ST18: variants seen among roughly 807,000 people sequenced by gnomAD.
ST18 encodes ST18 C2H2C-type zinc finger transcription factor, also known as suppression of tumorigenicity 18 protein.
ST18 carries 50 observed loss-of-function variants against 110.0 expected under a neutral mutation model. The ratio of observed to expected loss-of-function variants is 0.45; its 90% CI spans 0.36 to 0.58. The LOEUF (loss-of-function observed/expected upper bound fraction) is 0.58, where lower values mean the gene tolerates loss of function less well. Ranked by LOEUF, ST18 falls within the 20% of genes least tolerant of loss-of-function variation. ST18 has a pLI of 0.00. For missense variants in ST18, 1,306 were observed against 1,280.1 expected, an observed-to-expected ratio of 1.02 and a Z score of -0.31; for synonymous variants, 461 against 452.4, an observed-to-expected ratio of 1.02 and a Z score of -0.24.
intron 9 of ST18, among the ~76,000 whole-genome samples, chr8:52,178,645 C>CAAAAAAAAAAAAAAAAAAAAAAAA (rs1563897561): frequency 6.6e-5 from 2 of 30,110 alleles, no homozygotes; most frequent in African/African-American, 1.7e-4. Context: ...AAAAAAAAAC[C>CAAAAAAAAAAAAAAAAAAAAAAAA]ACCAAAAACC....
chr8:52,151,107 T>A (rs1193696771), intron 15 of ST18: 1 of 152,144 alleles, frequency 6.6e-6, no homozygotes, highest in Non-Finnish European at 1.5e-5. Flanking sequence ...TGGCCACTCT[T>A]CTTTGAATAT....
At chr8:52,396,205 T>C (rs35737151) in intron 2 of ST18, among the ~76,000 whole-genome samples, 89,419 of 152,090 alleles carry the variant, frequency 0.59, 29,794 homozygotes, top group Non-Finnish European at 0.73. Context: ...TTATTTACTA[T>C]AGTCTTCATG....
intron 2 of ST18, among the ~76,000 whole-genome samples, chr8:52,394,821 T>C (rs957425381): frequency 2.6e-5 from 4 of 152,196 alleles, no homozygotes; most frequent in Admixed American, 6.5e-5. Context: ...TTAGAACACT[T>C]GCTAAATGAA....
intron 9 of ST18, among the ~76,000 whole-genome samples, chr8:52,177,710 G>A (rs1031090456): frequency 6.6e-6 from 1 of 152,202 alleles, no homozygotes; most frequent in African/African-American, 2.4e-5. Context: ...GAATTACAGA[G>A]CATAGTTAGT....
chr8:52,243,852 G>A (rs895653061), intron 2 of ST18, among the ~76,000 whole-genome samples: 1 of 152,050 alleles, frequency 6.6e-6, no homozygotes, highest in Non-Finnish European at 1.5e-5. Context: ...AGGGTGATGG[G>A]GAGTGTGTGT....
rs1372947337 is a variant in ST18, at chr8:52,171,796, A to C, written c.1065T>G (p.Asn355Lys). Residue 355 changes from asparagine to lysine, a missense_variant, in exon 10 of 26, where the codon AAT becomes AAG. Physicochemically the swap from Asn to Lys is moderately conservative, Grantham distance 94 (BLOSUM62 0). Transcript: ENST00000689386. ...IDMGGRQIFNNKHSPRPEKRE... is the reference protein window; with the variant it reads ...IDMGGRQIFNKKHSPRPEKRE... ...AAATGCAAAAATGTGTCTTACGTTTATTGTTAAAGATTTGTCTTCCACCCA... is the reference window on the plus strand; with the variant it reads ...AAATGCAAAAATGTGTCTTACGTTTCTTGTTAAAGATTTGTCTTCCACCCA... 12 of 1,610,426 alleles carry C rather than the reference A, an allele frequency of 7.5e-6. No individual in the cohort carries two copies. In the Admixed American group the frequency reaches 8.4e-5, roughly 11 times the overall value.
chr8:52,140,364 T>C (rs1230103848), intron 17 of ST18, among the ~76,000 whole-genome samples: 2 of 152,100 alleles, frequency 1.3e-5, no homozygotes, highest in Admixed American at 6.6e-5. Context: ...ACCCTGTCTC[T>C]ACTAAAAATA....
At chr8:52,164,144 G>A in intron 12 of ST18, 54 bp from the exon 13 acceptor site, 1 of 1,466,876 alleles carries the variant, frequency 6.8e-7, no homozygotes, top group South Asian at 1.1e-5. Context: ...AATATGATTT[G>A]TTTTGGCATG....
At chr8:52,133,818 A>G (rs551779960) in intron 19 of ST18, among the ~76,000 whole-genome samples, 102 of 151,750 alleles carry the variant, frequency 6.7e-4, no homozygotes, top group Non-Finnish European at 1.1e-3. Flanking sequence ...GCAACCTCCA[A>G]CTCCCAGGTT....
At chr8:52,246,875 C>A (rs543332523) in intron 2 of ST18, among the ~76,000 whole-genome samples, 1 of 152,126 alleles carries the variant, frequency 6.6e-6, no homozygotes, top group Non-Finnish European at 1.5e-5. Flanking sequence ...ATCACTCTTG[C>A]CCCCATCTAA....
chr8:52,375,762 G>A (rs1352536519), intron 2 of ST18, among the ~76,000 whole-genome samples: 4 of 152,068 alleles, frequency 2.6e-5, no homozygotes, highest in Admixed American at 6.5e-5. Flanking sequence ...TGCCTATTTG[G>A]TATCTCCACT....
At chr8:52,222,396 A>C (rs1249525148) in intron 3 of ST18, among the ~76,000 whole-genome samples, 1 of 152,168 alleles carries the variant, frequency 6.6e-6, no homozygotes, top group African/African-American at 2.4e-5. Context: ...GCTTCCACTC[A>C]ACAGCCCGGC....
At chr8:52,306,248 C>A (rs1410588753) in intron 2 of ST18, among the ~76,000 whole-genome samples, 1 of 152,150 alleles carries the variant, frequency 6.6e-6, no homozygotes, top group Non-Finnish European at 1.5e-5. Flanking sequence ...GCCTCTTTAC[C>A]CTGAGCTGAG....
At chr8:52,361,800 G>T (rs1825858892) in intron 2 of ST18, among the ~76,000 whole-genome samples, 2 of 152,098 alleles carry the variant, frequency 1.3e-5, no homozygotes, top group African/African-American at 4.8e-5. Flanking sequence ...GAGAGGTAGG[G>T]TTTTATTTCT....
chr8:52,231,141 A>G (rs1460652095), intron 2 of ST18, among the ~76,000 whole-genome samples: 1 of 152,250 alleles, frequency 6.6e-6, no homozygotes, highest in Non-Finnish European at 1.5e-5. Context: ...GAAATTATAT[A>G]TATGTATGTG....
intron 8 of ST18, 131 bp downstream of exon 8, chr8:52,211,948 G>A (rs555935224): frequency 1.3e-5 from 11 of 870,454 alleles, no homozygotes; most frequent in East Asian, 4.9e-5. Context: ...CATACACAAC[G>A]TCTGGATGGA....
At chr8:52,194,053 G>T (rs1163779764) in intron 8 of ST18, among the ~76,000 whole-genome samples, 1 of 152,096 alleles carries the variant, frequency 6.6e-6, no homozygotes, top group South Asian at 2.1e-4. Flanking sequence ...TTTTTTTCCC[G>T]TAAGGCCAAA....
In ST18 at chr8:52,118,318, G is replaced by T. The variant is rs770775709; in HGVS notation, c.2859+20C>A. 1.3e-6 allele frequency: 2 copies of T among 1,496,638 alleles called. No homozygotes were observed. The highest frequency in any genetic ancestry group is 2.3e-5 in the East Asian group (1 of 44,106). The allele number at this position is 1,496,638 out of a possible 1,614,324, so 92.7% of individuals were successfully genotyped here. ...AGATTATGATTACATTAAGGATCAT[G>T]AATTACTTCTTTTTTTTACCTGGGT... On this transcript the variant is annotated intron_variant, in intron 24 of 25. Transcript: ENST00000689386.
intron 2 of ST18, among the ~76,000 whole-genome samples, chr8:52,294,905 C>T (rs1299778980): frequency 1.3e-5 from 2 of 152,226 alleles, no homozygotes; most frequent in Non-Finnish European, 2.9e-5. Context: ...ATGCTTATCA[C>T]CTTCTCACAT....
Sources: allele counts gnomAD v4.1 joint callset (sites outside exome capture counted in the v4.1 genomes callset), GRCh38; gene constraint gnomAD v4.1.1; transcripts MANE v1.5; gene names NCBI Gene and HGNC (gene_info 2026-07-23, HGNC 2026-07-21).